The following PIGQ variants were observed in gnomAD, a reference collection of about 807,000 sequenced individuals.
The protein encoded by PIGQ is phosphatidylinositol glycan anchor biosynthesis class Q, also known as phosphatidylinositol N-acetylglucosaminyltransferase subunit Q.
PIGQ carries 54 observed loss-of-function variants against 60.3 expected under a neutral mutation model. The observed-to-expected ratio is 0.90, with a 90% CI of 0.72 to 1.12. The LOEUF (loss-of-function observed/expected upper bound fraction) is 1.12. PIGQ is among the 50% of genes most tolerant of loss of function. The probability of loss-of-function intolerance (pLI) is 0.00; values close to 1 mark genes in which losing one functional copy is unlikely to be tolerated. For missense variants in PIGQ, 799 were observed against 793.5 expected, an observed-to-expected ratio of 1.01 and a Z score of -0.08; for synonymous variants, 416 against 363.7, an observed-to-expected ratio of 1.14 and a Z score of -1.64.
chr16:581,362 G>A, intron 9 of PIGQ: 2 of 1,193,158 alleles, frequency 1.7e-6, no homozygotes, highest in South Asian at 3.2e-5. Context: ...CGTCCGCTGT[G>A]CCGGAAAACC....
chr16:581,351 C>A (rs1284012990), intron 9 of PIGQ: 2 of 1,206,546 alleles, frequency 1.7e-6, no homozygotes, highest in Non-Finnish European at 2.1e-6. Flanking sequence ...AGTAAGTGCC[C>A]CGTCCGCTGT....
chr16:580,051 C>T, intron 7 of PIGQ, 132 bp from the exon 8 acceptor site: 1 of 616,594 alleles, frequency 1.6e-6, no homozygotes, highest in Non-Finnish European at 2.8e-6. Context: ...TGCTTCTGAG[C>T]AGGCCATCCC....
chr16:570,248 C>CCCCTGTGGA lies in PIGQ; in HGVS notation c.-10+160_-10+168dup, dbSNP rs2035599114. The CCCCTGTGGA allele has an allele frequency of 2.6e-5, 4 of 152,008 alleles. No homozygotes were observed. The South Asian group carries it at 8.3e-4, about 31-fold the overall frequency. The allele number at this position is 152,008 out of a possible 1,614,324, so 9.4% of individuals were successfully genotyped here. A position where few individuals can be genotyped will look rare whatever the true frequency, so the allele number is the denominator to read the frequency against. On this transcript the variant is annotated intron_variant, in intron 1 of 10. Coordinates refer to ENST00000321878, the MANE Select transcript of PIGQ (RefSeq NM_004204.5). ...GCCCCCGGGCCCGCGCCGACCTGGGCCCCTGTGGACCCTGTGCAAGGGCGG... is the reference window on the plus strand; with the variant it reads ...GCCCCCGGGCCCGCGCCGACCTGGGCCCCTGTGGACCCTGTGGACCCTGTGCAAGGGCGG...
chr16:578,357 C>T (rs760872163), intron 4 of PIGQ, 22 bp from the exon 5 acceptor site: 30 of 1,599,970 alleles, frequency 1.9e-5, no homozygotes, highest in East Asian at 2.2e-5. Flanking sequence ...CCCGCCCCAG[C>T]GTGGCCCCTG....
intron 6 of PIGQ, 55 bp downstream of exon 6, chr16:578,993 C>A: frequency 2.6e-6 from 3 of 1,160,564 alleles, no homozygotes; most frequent in Non-Finnish European, 3.4e-6. Context: ...GAGGCTCCGG[C>A]TGGGCGGGCG....
Position 582,210 on chromosome 16 carries a change from CCACGCGTCCCCTCGTCAGCCGCT to C in PIGQ, c.1532-37_1532-15del. 1 of 1,442,762 alleles carries C rather than the reference CCACGCGTCCCCTCGTCAGCCGCT, an allele frequency of 6.9e-7. No individual in the cohort carries two copies. Among genetic ancestry groups the C allele is most frequent in the Non-Finnish European group, 9.5e-7 (1 of 1,050,656 alleles). The allele number at this position is 1,442,762 out of a possible 1,614,324, so 89.4% of individuals were successfully genotyped here. A position where few individuals can be genotyped will look rare whatever the true frequency, so the allele number is the denominator to read the frequency against. On this transcript the variant is annotated splice_polypyrimidine_tract_variant and intron_variant, in intron 9 of 10. Coordinates refer to ENST00000321878, the MANE Select transcript of PIGQ (RefSeq NM_004204.5). ...CTCTGCTCATGTGTGGGGCCAGCCCCCACGCGTCCCCTCGTCAGCCGCTTGCTATCCTTGCAGCTGGCGTGAAG... is the reference window on the plus strand; with the variant it reads ...CTCTGCTCATGTGTGGGGCCAGCCCCTGCTATCCTTGCAGCTGGCGTGAAG...
Position 580,239 on chromosome 16 carries a change from C to G in PIGQ, c.1392C>G (p.Ala464=), listed in dbSNP as rs1055232975. The G allele has an allele frequency of 5.6e-6, 9 of 1,612,460 alleles. No homozygotes were observed. The highest frequency in any genetic ancestry group is 3.3e-5 in the Admixed American group (2 of 59,960). ...TGCTCTTCCTCCTGCCTACCACAGC[C>G]CTGTACTACCTGGTGTTCACCCTGG... ...TILLFLLPTT[A]LYYLVFTLLR... Residue 464 remains alanine (A), a synonymous_variant, in exon 8 of 11, where the codon GCC becomes GCG. Coordinates refer to ENST00000321878, the MANE Select transcript of PIGQ (RefSeq NM_004204.5).
In PIGQ at chr16:574,503, G is replaced by T; in HGVS notation, c.429G>T (p.Leu143=). 1 of 1,607,624 alleles carries T rather than the reference G, an allele frequency of 6.2e-7. No individual in the cohort carries two copies. The highest frequency in any genetic ancestry group is 8.5e-7 in the Non-Finnish European group (1 of 1,177,914). The change falls in exon 2 of 11, where the codon CTG becomes CTT. Residue 143 remains leucine, a synonymous_variant. Coordinates refer to ENST00000321878, the MANE Select transcript of PIGQ (RefSeq NM_004204.5). ...QRQVLLSQLH[L]PTVLPDRQAG... Reference sequence around the variant, plus strand: ...AGGTGTTGCTGTCACAGCTACACCTGCCCACCGTCCTGCCCGACCGCCAGG... The same window carrying T: ...AGGTGTTGCTGTCACAGCTACACCTTCCCACCGTCCTGCCCGACCGCCAGG...
At chr16:570,323 A>C (rs993339182) in intron 1 of PIGQ, 1 of 152,260 alleles carries the variant, frequency 6.6e-6, no homozygotes, top group Non-Finnish European at 1.5e-5. Flanking sequence ...CCCGGTTTGC[A>C]GGAAAGGGCA....
intron 9 of PIGQ, chr16:581,330 G>A (rs1365596581): frequency 2.0e-5 from 25 of 1,246,846 alleles, no homozygotes; most frequent in South Asian, 1.3e-4. Flanking sequence ...CCAGCAGGGC[G>A]GCCACCATCC....
At position 583,286 on chromosome 16, in the gene PIGQ, C is replaced by A. The variant is rs758881363; in HGVS notation, c.*251C>A. On this transcript the variant is annotated 3_prime_UTR_variant, in exon 11 of 11. Transcript: ENST00000321878. ...TGCCTTGGGACCCGCTTCCCACCTG[C>A]TGCGGTCACCATGGTGGCGAGCACA... 3 of 1,612,924 alleles carry A rather than the reference C, an allele frequency of 1.9e-6. No homozygotes were observed. The highest frequency in any genetic ancestry group is 2.5e-6 in the Non-Finnish European group (3 of 1,179,974).
At position 578,840 on chromosome 16, in the gene PIGQ, C is replaced by T; in HGVS notation, c.1125C>T (p.Leu375=). Residue 375 remains leucine (L), a synonymous_variant, in exon 6 of 11, where the codon CTC becomes CTT. Coordinates refer to ENST00000321878, the MANE Select transcript of PIGQ (RefSeq NM_004204.5). The stretch of plus-strand genomic sequence containing the variant: ...AGCACATCCTTTGGCACGTGGGCCT[C>T]TCGGCCTGCCTGGGCCTGACGGTGG... ...FVEHILWHVG[L]SACLGLTVAL... 1 of 1,613,832 alleles carries T rather than the reference C, an allele frequency of 6.2e-7. No homozygotes were observed. The highest frequency in any genetic ancestry group is 8.5e-7 in the Non-Finnish European group (1 of 1,179,966).
In PIGQ at chr16:576,193, C is replaced by G; in HGVS notation, c.881C>G (p.Ser294Cys). 1 of 1,550,098 alleles carries G rather than the reference C, an allele frequency of 6.5e-7. No individual in the cohort carries two copies. Among genetic ancestry groups the G allele is most frequent in the Non-Finnish European group, 8.7e-7 (1 of 1,147,032 alleles). Residue 294 changes from serine to cysteine, a missense_variant, in exon 4 of 11, where the codon TCC becomes TGC. Physicochemically the swap from Ser to Cys is moderately radical, Grantham distance 112 (BLOSUM62 -1). Transcript: ENST00000321878. Reference protein sequence around the residue: ...LDVALGLMLLSWLHGRSRIGH... With the variant: ...LDVALGLMLLCWLHGRSRIGH... ...GTGGCCCTGGGCCTCATGCTGCTGT[C>G]CTGGCTCCACGGGAGAAGCCGCATC...
intron 10 of PIGQ, 200 bp from the exon 11 acceptor site, chr16:582,683 C>T (rs2035832348): frequency 3.1e-6 from 2 of 654,518 alleles, no homozygotes; most frequent in Admixed American, 2.6e-5. Context: ...AGGGGAGATG[C>T]AGCTTCTGCC....
chr16:583,880 G>A lies in PIGQ; in HGVS notation c.*845G>A, dbSNP rs937502635. 1 of 576,576 alleles carries A rather than the reference G, an allele frequency of 1.7e-6. No homozygotes were observed. Among genetic ancestry groups the A allele is most frequent in the Non-Finnish European group, 3.1e-6 (1 of 317,474 alleles). 35.7% of individuals were successfully genotyped at this position (576,576 alleles called of 1,614,324 possible). ...CTGGGGAGGGGGCCGTGGCACTGAG[G>A]CCGAAAGTGCCTGCCAGACGGCACG... On this transcript the variant is annotated 3_prime_UTR_variant, in exon 11 of 11. Coordinates refer to ENST00000321878, the MANE Select transcript of PIGQ (RefSeq NM_004204.5).
Position 579,059 on chromosome 16 carries a change from C to G in PIGQ, c.1224-10C>G, listed in dbSNP as rs545951116. ...GGCGGGGCCGGGCCCGACAGCACTG[C>G]GTCCTGTAGGCTGTACTGCCTGAAG... On this transcript the variant is annotated splice_polypyrimidine_tract_variant and intron_variant, in intron 6 of 10. Coordinates refer to ENST00000321878, the MANE Select transcript of PIGQ (RefSeq NM_004204.5). 2 of 1,605,004 alleles carry G rather than the reference C, an allele frequency of 1.2e-6. No homozygotes were observed. The highest frequency in any genetic ancestry group is 2.2e-5 in the East Asian group (1 of 44,832).
At chr16:571,038 CGTGTGTGTGTGTGTGTGTGT>C (rs1176149269) in intron 1 of PIGQ, among the ~76,000 whole-genome samples, 2 of 85,224 alleles carry the variant, frequency 2.3e-5, no homozygotes, top group South Asian at 3.2e-4. Flanking sequence ...GCCTGGCGCC[CGTGTGTGTGTGTGTGTGTGT>C]GTGTGTGTGT....
Position 583,558 on chromosome 16 carries a change from C to G in PIGQ, c.*523C>G. On this transcript the variant is annotated 3_prime_UTR_variant, in exon 11 of 11. Transcript: ENST00000321878. ...TTGAAGCAGTCGCTGACCCCCGTCC[C>G]CAGCGGGCCCGGGCCCTCACTCCCT... 1.9e-6 allele frequency: 3 copies of G among 1,612,526 alleles called. No homozygotes were observed. Among genetic ancestry groups the G allele is most frequent in the African/African-American group, 1.3e-5 (1 of 75,048 alleles).
At chr16:582,848 G>C (rs1832519705) in intron 10 of PIGQ, 35 bp from the exon 11 acceptor site, 1 of 1,563,146 alleles carries the variant, frequency 6.4e-7, no homozygotes, top group Non-Finnish European at 8.7e-7. Context: ...TTGGAGCTCA[G>C]ACCACCCCAC....
Sources: gnomAD v4.1 joint callset for allele counts (sites outside exome capture counted in the v4.1 genomes callset) on GRCh38, gnomAD v4.1.1 for gene constraint, MANE v1.5 for transcripts, NCBI Gene and HGNC (gene_info 2026-07-23, HGNC 2026-07-21) for gene names.